The following CUX1 variants were observed in gnomAD, a reference collection of about 807,000 sequenced individuals.
The protein encoded by CUX1 is cut like homeobox 1, also known as protein CASP.
A neutral mutation model predicts 158.8 loss-of-function variants in CUX1; 31 were observed. The ratio of observed to expected loss-of-function variants is 0.20; its 90% CI spans 0.15 to 0.26. The LOEUF is 0.26. Ranked by LOEUF, CUX1 falls within the 10% of genes least tolerant of loss-of-function variation. The probability of loss-of-function intolerance (pLI) is 1.00; values close to 1 mark genes in which losing one functional copy is unlikely to be tolerated. For missense variants in CUX1, 1,589 were observed against 2,014.6 expected (o/e 0.79, Z 4.04); for synonymous variants, 879 against 862.1 (o/e 1.02, Z -0.34).
At chr7:102,115,529 T>C (rs1831352014) in intron 8 of CUX1, 1 of 388,848 alleles carries the variant, frequency 2.6e-6, no homozygotes, top group African/African-American at 2.1e-5. Context: ...AGTTAGTTTA[T>C]ATAAGATGTG....
In CUX1 at chr7:102,251,168, G is replaced by A. The variant is rs1192361140; in HGVS notation, c.*2126G>A. On this transcript the variant is annotated 3_prime_UTR_variant, in exon 24 of 24. Transcript: ENST00000292535. ...GTGTATCATTGAAACCTTTGTCTTA[G>A]GTCAACATCTTTGGATGACATTTTA... 3 of 983,520 alleles carry A rather than the reference G, an allele frequency of 3.1e-6. No individual in the cohort carries two copies. The highest frequency in any genetic ancestry group is 3.6e-6 in the Non-Finnish European group (3 of 829,034). 60.9% of individuals were successfully genotyped at this position (983,520 alleles called of 1,614,324 possible). A position where few individuals can be genotyped will look rare whatever the true frequency, so the allele number is the denominator to read the frequency against.
intron 8 of CUX1, among the ~76,000 whole-genome samples, chr7:102,116,115 G>A (rs1316546020): frequency 6.6e-6 from 1 of 152,122 alleles, no homozygotes; most frequent in African/African-American, 2.4e-5. Context: ...CAAGAAGACG[G>A]GTACTTCTGA....
intron 2 of CUX1, among the ~76,000 whole-genome samples, chr7:101,954,426 C>T (rs540303441): frequency 1.3e-4 from 20 of 152,302 alleles, no homozygotes; most frequent in South Asian, 8.3e-4. Context: ...TTCCCGTCCT[C>T]GTTGTAAATA....
Position 102,252,554 on chromosome 7 carries a change from G to A in CUX1, c.*3512G>A, listed in dbSNP as rs911951565. 1.0e-6 allele frequency: 1 copy of A among 985,416 alleles called. No individual in the cohort carries two copies. The highest frequency in any genetic ancestry group is 5.2e-4 in the Middle Eastern group (1 of 1,914). 61.0% of individuals were successfully genotyped at this position (985,416 alleles called of 1,614,324 possible). A position where few individuals can be genotyped will look rare whatever the true frequency, so the allele number is the denominator to read the frequency against. ...GCATTGTTCATAACTTAAGGCTTTTGCCATTAACTTAGCTGGCTAAGCAGA... is the reference window on the plus strand; with the variant it reads ...GCATTGTTCATAACTTAAGGCTTTTACCATTAACTTAGCTGGCTAAGCAGA... On this transcript the variant is annotated 3_prime_UTR_variant, in exon 24 of 24. Transcript: ENST00000292535.
intron 1 of CUX1, among the ~76,000 whole-genome samples, chr7:101,880,550 A>G (rs1249597900): frequency 1.3e-5 from 2 of 152,236 alleles, no homozygotes; most frequent in Non-Finnish European, 2.9e-5. Context: ...TGATTCCCTC[A>G]ATGAAATATT....
At chr7:101,921,453 T>TTTA (rs1387866513) in intron 2 of CUX1, among the ~76,000 whole-genome samples, 1 of 151,868 alleles carries the variant, frequency 6.6e-6, no homozygotes, top group Admixed American at 6.6e-5. Context: ...TATTTATTTA[T>TTTA]TTATTTATTT....
intron 1 of CUX1, among the ~76,000 whole-genome samples, chr7:101,864,577 G>A (rs906819200): frequency 6.6e-6 from 1 of 151,488 alleles, no homozygotes; most frequent in Non-Finnish European, 1.5e-5. Context: ...TTTAAAGGGA[G>A]TCTCGCTCTG....
intron 11 of CUX1, among the ~76,000 whole-genome samples, chr7:102,186,344 G>C (rs117380815): frequency 0.024 from 3,627 of 152,174 alleles, 78 homozygotes; most frequent in Non-Finnish European, 0.034. Context: ...GTCTGCCCAA[G>C]ACAGAAAACG....
chr7:102,232,030 A>G (rs1462737530), intron 21 of CUX1, among the ~76,000 whole-genome samples: 5 of 151,760 alleles, frequency 3.3e-5, no homozygotes, highest in Non-Finnish European at 4.4e-5. Context: ...TCTTATAACA[A>G]CTAAAAAAAA....
intron 2 of CUX1, among the ~76,000 whole-genome samples, chr7:101,954,136 G>T (rs905895879): frequency 3.3e-5 from 5 of 152,160 alleles, no homozygotes; most frequent in African/African-American, 1.2e-4. Context: ...TGTCTGAGAC[G>T]CCTGAGACAG....
intron 9 of CUX1, among the ~76,000 whole-genome samples, chr7:102,168,918 C>CTTTTTTTTTTTTTTTTTTTTTT (rs1239519322): frequency 8.3e-5 from 7 of 84,150 alleles, no homozygotes; most frequent in Admixed American, 2.3e-4. Flanking sequence ...CTTTTATTTT[C>CTTTTTTTTTTTTTTTTTTTTTT]TTTTCTTTTC....
intron 3 of CUX1, among the ~76,000 whole-genome samples, chr7:102,046,638 A>G (rs2129940446): frequency 7.4e-6 from 1 of 134,510 alleles, no homozygotes; most frequent in East Asian, 2.1e-4. Context: ...GTGCAGTTGC[A>G]CGATCACAGC....
chr7:101,825,105 C>G (rs1793109694), intron 1 of CUX1, among the ~76,000 whole-genome samples: 1 of 152,164 alleles, frequency 6.6e-6, no homozygotes, highest in Non-Finnish European at 1.5e-5. Context: ...CGGAGAATAC[C>G]AACCTTTCAA....
intron 2 of CUX1, among the ~76,000 whole-genome samples, chr7:102,024,191 T>A (rs954364649): frequency 2.0e-5 from 3 of 152,250 alleles, no homozygotes; most frequent in Admixed American, 1.3e-4. Flanking sequence ...CCCAGCCCCC[T>A]GCTCTCCTCC....
intron 8 of CUX1, among the ~76,000 whole-genome samples, chr7:102,149,411 A>G (rs1457245316): frequency 5.9e-4 from 11 of 18,492 alleles, no homozygotes; most frequent in East Asian, 3.4e-3. Context: ...CCACCCACCC[A>G]CCCATGCCCG....
At chr7:101,823,831 C>T (rs1792953253) in intron 1 of CUX1, among the ~76,000 whole-genome samples, 1 of 152,138 alleles carries the variant, frequency 6.6e-6, no homozygotes, top group African/African-American at 2.4e-5. Context: ...GAATGCCTGT[C>T]GTACCGTCAT....
chr7:101,824,929 G>T (rs778464992), intron 1 of CUX1, among the ~76,000 whole-genome samples: 74 of 152,332 alleles, frequency 4.9e-4, no homozygotes, highest in Non-Finnish European at 7.5e-4. Flanking sequence ...CACCATTTCT[G>T]TGTCACTCTG....
At position 102,201,623 on chromosome 7, in the gene CUX1, T is replaced by C. The variant is rs782562471; in HGVS notation, c.2326T>C (p.Ser776Pro). ...KPSAAPEAGA[S>P]ALPNPPALKK... is the part of the protein sequence containing the mutation. ...CTCCGCAGCTCCTGAGGCCGGTGCC[T>C]CTGCTCTGCCGAACCCCCCGGCCCT... Residue 776 changes from serine (S) to proline (P), a missense_variant, in exon 18 of 24, where the codon TCT becomes CCT. By Grantham distance (74) the Ser-to-Pro change is moderately conservative. Transcript: ENST00000292535. The surrounding 1 kb of genome is among the most constrained non-coding windows in gnomAD (Gnocchi z 5.0). 2.3e-5 allele frequency: 37 copies of C among 1,613,704 alleles called. No individual in the cohort carries two copies. The highest frequency in any genetic ancestry group is 1.7e-5 in the Admixed American group (1 of 60,002).
At chr7:102,104,144 G>T (rs1057266121) in intron 5 of CUX1, among the ~76,000 whole-genome samples, 192 bp from the exon 6 acceptor site, 1 of 151,650 alleles carries the variant, frequency 6.6e-6, no homozygotes, top group African/African-American at 2.4e-5. Flanking sequence ...CAGCCTAAAC[G>T]TTTAAAGTTC....
Sources: allele counts gnomAD v4.1 joint callset (sites outside exome capture counted in the v4.1 genomes callset), GRCh38; gene constraint gnomAD v4.1.1; non-coding constraint Gnocchi (gnomAD v3.1); transcripts MANE v1.5; gene names NCBI Gene and HGNC (gene_info 2026-07-23, HGNC 2026-07-21).